Variants in GPATCH8 observed in about 807,000 individuals in gnomAD.
GPATCH8 encodes the protein G-patch domain containing 8.
GPATCH8 carries 18 observed loss-of-function variants against 118.3 expected under a neutral mutation model. The ratio of observed to expected loss-of-function variants is 0.15; its 90% CI spans 0.11 to 0.23. The LOEUF is 0.23. Ranked by LOEUF, GPATCH8 falls within the 10% of genes least tolerant of loss-of-function variation. The pLI is 1.00. For missense variants in GPATCH8, 1,631 were observed against 1,873.8 expected (o/e 0.87, Z 2.39); for synonymous variants, 659 against 684.7 (o/e 0.96, Z 0.59).
chr17:44,424,528 G>A (rs1459732951), intron 5 of GPATCH8, 36 bp from the exon 6 acceptor site: 1 of 1,526,160 alleles, frequency 6.6e-7, no homozygotes, highest in Admixed American at 1.7e-5. Flanking sequence ...AACAAAAAAT[G>A]AACTTGGTAA....
chr17:44,442,427 T>G (rs569006021), intron 3 of GPATCH8, among the ~76,000 whole-genome samples: 1 of 152,258 alleles, frequency 6.6e-6, no homozygotes, highest in East Asian at 1.9e-4. Context: ...ACGACCTTAA[T>G]GAAGTGCAAG....
chr17:44,404,282 C>A (rs2049137537), intron 7 of GPATCH8, among the ~76,000 whole-genome samples: 1 of 151,748 alleles, frequency 6.6e-6, no homozygotes, highest in Admixed American at 6.6e-5. Flanking sequence ...GGACTACAGG[C>A]ATGTGCCACC....
chr17:44,399,168 C>T lies in GPATCH8; in HGVS notation c.2909G>A (p.Ser970Asn), dbSNP rs1285034284. The part of the protein sequence containing the change: ...SRSSSCSRSR[S>N]KRRSRSTTAH... Reference sequence around the variant, plus strand: ...TGTGGTGCTACGGCTTCTCCGCTTGCTTCGACTACGACTACAACTGCTGCT... The same window carrying T: ...TGTGGTGCTACGGCTTCTCCGCTTGTTTCGACTACGACTACAACTGCTGCT... Residue 970 changes from serine to asparagine, a missense_variant, in exon 8 of 8, where the codon AGC becomes AAC. Physicochemically the swap from Ser to Asn is conservative, Grantham distance 46 (BLOSUM62 1). Around this residue, in one of 8 missense-constraint regions of GPATCH8, gnomAD observed 922 missense variants for 879.7 expected, o/e 1.05. Transcript: ENST00000591680. The T allele has an allele frequency of 1.9e-6, 3 of 1,610,934 alleles. No individual in the cohort carries two copies. The highest frequency in any genetic ancestry group is 2.5e-6 in the Non-Finnish European group (3 of 1,177,554).
intron 6 of GPATCH8, 104 bp downstream of exon 6, chr17:44,424,245 A>C (rs570083235): frequency 1.2e-6 from 1 of 825,328 alleles, no homozygotes; most frequent in Non-Finnish European, 2.1e-6. Flanking sequence ...ATTGGCAGAC[A>C]CAAGAAATCA....
chr17:44,470,205 C>T (rs1418874285), intron 2 of GPATCH8, among the ~76,000 whole-genome samples: 2 of 152,188 alleles, frequency 1.3e-5, no homozygotes, highest in African/African-American at 4.8e-5. Context: ...ATTCTCCCAT[C>T]TGATCCCTCA....
rs769465308 is a variant in GPATCH8 at position 44,424,012 on chromosome 17, C to T, written c.492+337G>A. On this transcript the variant is annotated intron_variant, in intron 6 of 7. Transcript: ENST00000591680. ...TGCTGAATAACTCTTCAAAGTTTAA[C>T]GCGTTAAGAGCAGAAATGGAAACAA... Among the ~76,000 whole-genome samples the T allele has an allele frequency of 1.1e-4, 17 of 152,080 alleles. 1 individual carries two copies. The highest frequency in any genetic ancestry group is 4.1e-4 in the South Asian group (2 of 4,830).
intron 3 of GPATCH8, among the ~76,000 whole-genome samples, chr17:44,441,074 C>T (rs1262996593): frequency 6.6e-6 from 1 of 152,188 alleles, no homozygotes; most frequent in Non-Finnish European, 1.5e-5. Context: ...TGGTCTCGAT[C>T]TCTTGACCTC....
chr17:44,415,496 A>G (rs2049642365), intron 6 of GPATCH8, among the ~76,000 whole-genome samples: 1 of 152,148 alleles, frequency 6.6e-6, no homozygotes, highest in Non-Finnish European at 1.5e-5. Context: ...ATTTTGAAAC[A>G]TTTTGGATTT....
At chr17:44,452,192 G>A (rs533390868) in intron 3 of GPATCH8, among the ~76,000 whole-genome samples, 195 of 145,568 alleles carry the variant, frequency 1.3e-3, no homozygotes, top group African/African-American at 4.5e-3. Flanking sequence ...GGAATTGCTT[G>A]AACCAGGGAG....
At chr17:44,417,224 T>C (rs913846651) in intron 6 of GPATCH8, among the ~76,000 whole-genome samples, 3 of 152,178 alleles carry the variant, frequency 2.0e-5, no homozygotes, top group African/African-American at 4.8e-5. Flanking sequence ...TAAGAGTAAG[T>C]AATCTTGTCA....
chr17:44,414,586 G>A (rs1027983650), intron 6 of GPATCH8, among the ~76,000 whole-genome samples: 1 of 152,204 alleles, frequency 6.6e-6, no homozygotes, highest in Non-Finnish European at 1.5e-5. Context: ...TTACAGGCGT[G>A]AGCCATTGCT....
At chr17:44,486,839 T>C (rs1279015556) in intron 1 of GPATCH8, 1 of 152,230 alleles carries the variant, frequency 6.6e-6, no homozygotes, top group South Asian at 2.1e-4. Flanking sequence ...ATACTGAATA[T>C]GAGTTTATTG....
chr17:44,437,499 C>T (rs1312269581), intron 3 of GPATCH8, among the ~76,000 whole-genome samples: 2 of 151,974 alleles, frequency 1.3e-5, no homozygotes, highest in East Asian at 3.9e-4. Context: ...ATGTTTACTT[C>T]CCTCATCATT....
At chr17:44,468,633 A>G (rs1967016513) in intron 2 of GPATCH8, among the ~76,000 whole-genome samples, 1 of 151,968 alleles carries the variant, frequency 6.6e-6, no homozygotes. Context: ...TACTATAATA[A>G]TGACTAAAAA....
chr17:44,403,348 C>T (rs1052562736), intron 7 of GPATCH8, among the ~76,000 whole-genome samples: 1 of 152,064 alleles, frequency 6.6e-6, no homozygotes, highest in Non-Finnish European at 1.5e-5. Flanking sequence ...GCTGGGATTA[C>T]AGGCTTGAGC....
rs1469131469 is a variant in GPATCH8, at chr17:44,493,315, C to T, written c.45+10011G>A. 2.0e-5 allele frequency among the ~76,000 whole-genome samples: 3 copies of T among 152,122 alleles called. No individual in the cohort carries two copies. The East Asian group carries it at 5.8e-4, about 29-fold the overall frequency. The stretch of plus-strand genomic sequence containing the variant: ...AACTCAGGTTATCCACCCACCTTGG[C>T]CTCCCAAAGTGCTGGGATTACAGGC... On this transcript the variant is annotated intron_variant, in intron 1 of 7. Transcript: ENST00000591680.
intron 3 of GPATCH8, among the ~76,000 whole-genome samples, chr17:44,458,180 G>C (rs1218106422): frequency 6.7e-6 from 1 of 148,994 alleles, no homozygotes; most frequent in Admixed American, 6.7e-5. Context: ...GAGCCCAGGA[G>C]ATCAAGGCTG....
intron 5 of GPATCH8, among the ~76,000 whole-genome samples, chr17:44,434,266 G>T (rs564286975): frequency 1.3e-5 from 2 of 151,946 alleles, no homozygotes; most frequent in African/African-American, 4.8e-5. Context: ...GTATAAATAG[G>T]CTGAAGAGTG....
chr17:44,472,008 C>G (rs1025115017), intron 2 of GPATCH8, among the ~76,000 whole-genome samples: 2 of 145,810 alleles, frequency 1.4e-5, no homozygotes, highest in African/African-American at 5.1e-5. Flanking sequence ...TTTCTTGCAT[C>G]TTTGTTTATT....
Sources: allele counts gnomAD v4.1 joint callset (sites outside exome capture counted in the v4.1 genomes callset), GRCh38; gene constraint gnomAD v4.1.1; regional missense constraint gnomAD v4.1.1; transcripts MANE v1.5; gene names NCBI Gene and HGNC (gene_info 2026-07-23, HGNC 2026-07-21).